The following KDM5A variants were observed in gnomAD, a reference collection of about 807,000 sequenced individuals.
KDM5A encodes lysine-specific demethylase 5A.
A neutral mutation model predicts 193.5 loss-of-function variants in KDM5A; 42 were observed. The ratio of observed to expected loss-of-function variants is 0.22; its 90% CI spans 0.17 to 0.28. The LOEUF is 0.28. KDM5A is among the 10% of genes least tolerant of loss of function. KDM5A has a pLI of 1.00. For synonymous variants in KDM5A, 796 were observed against 718.1 expected (o/e 1.11, Z -1.73); for missense variants, 1,692 against 2,055.1 (o/e 0.82, Z 3.42).
At chr12:299,886 T>C (rs1024204593) in intron 24 of KDM5A, among the ~76,000 whole-genome samples, 6 of 144,016 alleles carry the variant, frequency 4.2e-5, no homozygotes, top group Middle Eastern at 7.2e-3. Flanking sequence ...AAAGCAGGAG[T>C]TGCAATCCCA....
chr12:288,555 T>C (rs1309838475), intron 27 of KDM5A, among the ~76,000 whole-genome samples: 5 of 152,220 alleles, frequency 3.3e-5, no homozygotes, highest in African/African-American at 1.2e-4. Flanking sequence ...TGGCATAGTA[T>C]ATTTTGTTCA....
At chr12:354,867 T>C (rs1339016673) in intron 7 of KDM5A, among the ~76,000 whole-genome samples, 1 of 152,244 alleles carries the variant, frequency 6.6e-6, no homozygotes, top group Non-Finnish European at 1.5e-5. Flanking sequence ...TCCTCTTTGA[T>C]AGAGAATGAA....
At chr12:291,901 C>CTTTT (rs199559800) in intron 27 of KDM5A, among the ~76,000 whole-genome samples, 2 of 129,918 alleles carry the variant, frequency 1.5e-5, no homozygotes, top group African/African-American at 2.8e-5. Flanking sequence ...TAAAACAATG[C>CTTTT]TTTTTTTTTT....
chr12:319,028 A>T (rs1943683870), intron 18 of KDM5A, among the ~76,000 whole-genome samples: 2 of 152,224 alleles, frequency 1.3e-5, no homozygotes, highest in African/African-American at 4.8e-5. Flanking sequence ...GCTTTTAAAG[A>T]AGAATGAGCT....
At chr12:293,596 T>C (rs1205137014) in intron 26 of KDM5A, among the ~76,000 whole-genome samples, 2 of 151,968 alleles carry the variant, frequency 1.3e-5, no homozygotes, top group African/African-American at 4.8e-5. Flanking sequence ...CTGACCAACA[T>C]GACGAAACCC....
rs1944353870 is a variant in KDM5A at position 366,072 on chromosome 12, G to A, written c.399C>T (p.Val133=). Residue 133 remains valine, a synonymous_variant, in exon 4 of 28, where the codon GTC becomes GTT. Transcript: ENST00000399788. ...IVASKGGFEM[V]TKEKKWSKVG... is the part of the protein sequence containing the mutation. ...CTTTAGACCATTTCTTCTCTTTGGT[G>A]ACCATTTCAAAACCTCCTTTGCTGG... The A allele has an allele frequency of 1.2e-6, 2 of 1,614,048 alleles. No individual in the cohort carries two copies. Among genetic ancestry groups the A allele is most frequent in the Middle Eastern group, 1.7e-4 (1 of 6,058 alleles).
Position 376,916 on chromosome 12 carries a change from G to A in KDM5A, c.366+7115C>T, listed in dbSNP as rs1214747656. Among the ~76,000 whole-genome samples the A allele has an allele frequency of 2.6e-5, 4 of 151,882 alleles. No individual in the cohort carries two copies. In the East Asian group the frequency reaches 7.7e-4, roughly 29 times the overall value. ...ATAAGCCAAAACAATAACAAAAACA[G>A]ACAAACAAAAATTACAAGTTTAAGT... On this transcript the variant is annotated intron_variant, in intron 3 of 27. Coordinates refer to ENST00000399788, the MANE Select transcript of KDM5A (RefSeq NM_001042603.3).
At chr12:308,660 T>C (rs192257506) in intron 22 of KDM5A, among the ~76,000 whole-genome samples, 1 of 152,376 alleles carries the variant, frequency 6.6e-6, no homozygotes, top group African/African-American at 2.4e-5. Context: ...ATTTTCTTGT[T>C]AAACTACTGG....
chr12:333,475 CA>C lies in KDM5A; in HGVS notation c.1653+11del. 1.2e-6 allele frequency: 2 copies of C among 1,613,722 alleles called. No individual in the cohort carries two copies. Among genetic ancestry groups the C allele is most frequent in the Non-Finnish European group, 1.7e-6 (2 of 1,179,828 alleles). On this transcript the variant is annotated intron_variant, in intron 12 of 27. Coordinates refer to ENST00000399788, the MANE Select transcript of KDM5A (RefSeq NM_001042603.3). Reference sequence around the variant, plus strand: ...CAAACAAACAACTGAAGGAAGACACCAAAAGACTCACAGGCACACCATGCTC... The same window carrying C: ...CAAACAAACAACTGAAGGAAGACACCAAAGACTCACAGGCACACCATGCTC...
chr12:339,364 T>C (rs1222075008), intron 10 of KDM5A, among the ~76,000 whole-genome samples: 2 of 149,816 alleles, frequency 1.3e-5, no homozygotes, highest in Non-Finnish European at 1.5e-5. Context: ...GAAAATTTCA[T>C]ACACTTTGTC....
rs545687277 is a variant in KDM5A at position 312,266 on chromosome 12, T to C, written c.3036+790A>G. ...AATACGTCTCTCCAACTAGAAAATATGTATTTGGAAGACTCTACTTTTATA... is the reference window on the plus strand; with the variant it reads ...AATACGTCTCTCCAACTAGAAAATACGTATTTGGAAGACTCTACTTTTATA... On this transcript the variant is annotated intron_variant, in intron 20 of 27. Coordinates refer to ENST00000399788, the MANE Select transcript of KDM5A (RefSeq NM_001042603.3). Among the ~76,000 whole-genome samples, 16 of 152,340 alleles carry C rather than the reference T, an allele frequency of 1.1e-4. No homozygotes were observed. The South Asian group carries it at 2.5e-3, about 24-fold the overall frequency.
chr12:353,692 A>G (rs1357928653), intron 8 of KDM5A, among the ~76,000 whole-genome samples: 4 of 152,110 alleles, frequency 2.6e-5, no homozygotes, highest in Non-Finnish European at 5.9e-5. Context: ...GGAAGCCGAG[A>G]CAGGCAGATT....
chr12:307,394 T>C lies in KDM5A; in HGVS notation c.3930+60A>G, dbSNP rs1943520833. On this transcript the variant is annotated intron_variant, in intron 23 of 27. Coordinates refer to ENST00000399788, the MANE Select transcript of KDM5A (RefSeq NM_001042603.3). The surrounding 1 kb of genome is among the most constrained non-coding windows in gnomAD (Gnocchi z 4.3). ...ATCAATTGGTAAGACAGACTCAATT[T>C]ACTATTTATACACTGACATATCCCA... is the stretch of plus-strand genomic sequence containing the variant. 1 of 1,527,338 alleles carries C rather than the reference T, an allele frequency of 6.5e-7. No homozygotes were observed. The highest frequency in any genetic ancestry group is 9.1e-7 in the Non-Finnish European group (1 of 1,103,448). The allele number at this position is 1,527,338 out of a possible 1,614,324, so 94.6% of individuals were successfully genotyped here.
Position 282,783 on chromosome 12 carries a change from C to T in KDM5A, c.*2673G>A, listed in dbSNP as rs983827873. On this transcript the variant is annotated 3_prime_UTR_variant, in exon 28 of 28. Coordinates refer to ENST00000399788, the MANE Select transcript of KDM5A (RefSeq NM_001042603.3). ...TGTCTTAATACAAAATATTACAATA[C>T]AGAAGGGAGCAAGTAAGTAATTTTC... 4.3e-5 allele frequency: 10 copies of T among 232,458 alleles called. No individual in the cohort carries two copies. Among genetic ancestry groups the T allele is most frequent in the Non-Finnish European group, 8.5e-6 (1 of 117,688 alleles). The allele number at this position is 232,458 out of a possible 1,614,324, so 14.4% of individuals were successfully genotyped here.
At chr12:366,244 A>C in intron 3 of KDM5A, 140 bp from the exon 4 acceptor site, 1 of 705,870 alleles carries the variant, frequency 1.4e-6, no homozygotes, top group Non-Finnish European at 2.5e-6. Context: ...CCAAACTGAC[A>C]CTTGTCAACA....
At chr12:305,858 C>T (rs1275006944) in intron 24 of KDM5A, among the ~76,000 whole-genome samples, 2 of 151,928 alleles carry the variant, frequency 1.3e-5, no homozygotes, top group Non-Finnish European at 2.9e-5. Flanking sequence ...AACTGGAACT[C>T]AGCAAATTCT....
rs533370930 is a variant in KDM5A at position 301,539 on chromosome 12, A to G, written c.4075-4339T>C. ...TATTGATGGAATGTATCTCAAAATAATAAGAGCTACTTACAAACCCACAGC... is the reference window on the plus strand; with the variant it reads ...TATTGATGGAATGTATCTCAAAATAGTAAGAGCTACTTACAAACCCACAGC... On this transcript the variant is annotated intron_variant, in intron 24 of 27. Coordinates refer to ENST00000399788, the MANE Select transcript of KDM5A (RefSeq NM_001042603.3). Among the ~76,000 whole-genome samples, 22 of 152,342 alleles carry G rather than the reference A, an allele frequency of 1.4e-4. 1 individual carries two copies. The highest frequency in any genetic ancestry group is 3.4e-3 in the Middle Eastern group (1 of 294).
chr12:320,886 A>G (rs1943708745), intron 18 of KDM5A, 109 bp downstream of exon 18: 5 of 841,554 alleles, frequency 5.9e-6, no homozygotes, highest in Non-Finnish European at 1.0e-5. Context: ...ATGTGAGAGA[A>G]AAAAAAAATC....
chr12:357,338 C>CAAAAAA (rs35804849), intron 5 of KDM5A, among the ~76,000 whole-genome samples: 3 of 142,622 alleles, frequency 2.1e-5, no homozygotes, highest in Admixed American at 7.0e-5. Flanking sequence ...CCGTTTCTAC[C>CAAAAAA]AAAAAAAAAA....
Sources: gnomAD v4.1 joint callset for allele counts (sites outside exome capture counted in the v4.1 genomes callset) on GRCh38, gnomAD v4.1.1 for gene constraint, Gnocchi (gnomAD v3.1) non-coding constraint, MANE v1.5 for transcripts, NCBI Gene and HGNC (gene_info 2026-07-23, HGNC 2026-07-21) for gene names.